ABCC1: variants seen among roughly 807,000 people sequenced by gnomAD.
ABCC1 encodes the protein ATP binding cassette subfamily C member 1 (ABCC1 blood group).
ABCC1 carries 83 observed loss-of-function variants against 172.9 expected under a neutral mutation model. That is an observed-to-expected ratio of 0.48 (90% CI 0.40 to 0.58). The LOEUF (loss-of-function observed/expected upper bound fraction) is 0.58. ABCC1 is among the 20% of genes least tolerant of loss of function. The probability of loss-of-function intolerance (pLI) is 0.00; values close to 1 mark genes in which losing one functional copy is unlikely to be tolerated. For missense variants in ABCC1, 1,817 were observed against 2,002.7 expected, an observed-to-expected ratio of 0.91 and a Z score of 1.77; for synonymous variants, 937 against 825.2, an observed-to-expected ratio of 1.14 and a Z score of -2.32.
intron 23 of ABCC1, 62 bp downstream of exon 23, chr16:16,115,138 C>T (rs1014027530): frequency 2.0e-6 from 3 of 1,523,602 alleles, no homozygotes; most frequent in African/African-American, 1.4e-5. Flanking sequence ...CCAGTGTTAC[C>T]TAAAGCCTTG....
In ABCC1 at chr16:16,114,775, T is replaced by C. The variant is rs1358696501; in HGVS notation, c.3089T>C (p.Val1030Ala). The C allele has an allele frequency of 1.9e-6, 3 of 1,596,176 alleles. No homozygotes were observed. In the South Asian group the frequency reaches 3.3e-5, roughly 18 times the overall value. Residue 1030 changes from valine to alanine, a missense_variant, in exon 23 of 31, where the codon GTG becomes GCG. By Grantham distance (64) the Val-to-Ala change is moderately conservative. This residue lies in a region of ABCC1 where 1,412 missense variants were observed against 1,600.3 expected (regional missense o/e 0.88). Coordinates refer to ENST00000399410, the MANE Select transcript of ABCC1 (RefSeq NM_004996.4). The part of the protein sequence containing the change: ...GALGISQGIA[V>A]FGYSMAVSIG... ...CTCCGAGTGTCTGCAGGGATCGCCG[T>C]GTTTGGCTACTCCATGGCCGTGTCC...
Position 16,122,155 on chromosome 16 carries a change from C to T in ABCC1, c.3571C>T (p.Pro1191Ser), listed in dbSNP as rs750416230. Residue 1191 changes from proline to serine, a missense_variant, in exon 24 of 31, where the codon CCC becomes TCC. Physicochemically the swap from Pro to Ser is moderately conservative, Grantham distance 74. Coordinates refer to ENST00000399410, the MANE Select transcript of ABCC1 (RefSeq NM_004996.4). The part of the protein sequence containing the change: ...KVDENQKAYY[P>S]SIVANRWLAV... ...GGACGAGAACCAGAAGGCCTATTAC[C>T]CCAGCATCGTGGCCAACAGGTGGGC... 2 of 1,614,176 alleles carry T rather than the reference C, an allele frequency of 1.2e-6. No homozygotes were observed. The highest frequency in any genetic ancestry group is 1.7e-6 in the Non-Finnish European group (2 of 1,180,038).
intron 1 of ABCC1, among the ~76,000 whole-genome samples, chr16:16,001,285 C>T (rs2047297904): frequency 6.6e-6 from 1 of 152,082 alleles, no homozygotes; most frequent in African/African-American, 2.4e-5. Flanking sequence ...GATCTCGGCT[C>T]ACTGCAAGCT....
At chr16:16,032,118 G>C (rs1360690029) in intron 5 of ABCC1, among the ~76,000 whole-genome samples, 1 of 152,170 alleles carries the variant, frequency 6.6e-6, no homozygotes, top group East Asian at 1.9e-4. Context: ...AGCCTCCCAA[G>C]TAGCTGGAAC....
intron 13 of ABCC1, among the ~76,000 whole-genome samples, chr16:16,070,626 CT>C: frequency 6.6e-6 from 1 of 152,292 alleles, no homozygotes; most frequent in South Asian, 2.1e-4. Context: ...GATTGCGCCA[CT>C]GCACTCCAGC....
At chr16:16,100,458 G>A (rs141665342) in intron 19 of ABCC1, among the ~76,000 whole-genome samples, 1 of 151,580 alleles carries the variant, frequency 6.6e-6, no homozygotes, top group East Asian at 2.0e-4. Flanking sequence ...ATGGTTAAGG[G>A]CATGGCTGGT....
In ABCC1 at chr16:16,068,404, G is replaced by A. The variant is rs1399114385; in HGVS notation, c.1824+102G>A. ...AGCGCAGCCTCTAGATCACACTCCC[G>A]GTCGGGCTCCATGAGGCCCGGACAA... is the stretch of plus-strand genomic sequence containing the variant. On this transcript the variant is annotated intron_variant, in intron 13 of 30. Coordinates refer to ENST00000399410, the MANE Select transcript of ABCC1 (RefSeq NM_004996.4). 9 of 1,403,390 alleles carry A rather than the reference G, an allele frequency of 6.4e-6. No homozygotes were observed. In the East Asian group the frequency reaches 1.4e-4, roughly 21 times the overall value. The allele number at this position is 1,403,390 out of a possible 1,614,324, so 86.9% of individuals were successfully genotyped here. A position where few individuals can be genotyped will look rare whatever the true frequency, so the allele number is the denominator to read the frequency against.
intron 20 of ABCC1, among the ~76,000 whole-genome samples, chr16:16,104,244 C>T (rs930720891): frequency 6.6e-6 from 1 of 152,198 alleles, no homozygotes; most frequent in Non-Finnish European, 1.5e-5. Flanking sequence ...ACTGCTGGCT[C>T]TGGCAGCCAG....
At chr16:15,963,549 A>G (rs1290298911) in intron 1 of ABCC1, among the ~76,000 whole-genome samples, 3 of 152,174 alleles carry the variant, frequency 2.0e-5, no homozygotes, top group African/African-American at 7.2e-5. Flanking sequence ...ATCCTCTGAA[A>G]TCTAGGTGGA....
chr16:16,099,749 C>T (rs1013853944), intron 19 of ABCC1, among the ~76,000 whole-genome samples: 2 of 152,098 alleles, frequency 1.3e-5, no homozygotes, highest in Non-Finnish European at 2.9e-5. Context: ...ATTGACAGGC[C>T]CACCAAGGCT....
intron 10 of ABCC1, among the ~76,000 whole-genome samples, chr16:16,051,335 T>C (rs1282194759): frequency 1.3e-5 from 2 of 151,920 alleles, no homozygotes; most frequent in Non-Finnish European, 2.9e-5. Flanking sequence ...CATGCCTGGC[T>C]AAGTTATTTA....
intron 12 of ABCC1, among the ~76,000 whole-genome samples, chr16:16,060,486 A>G (rs1046244264): frequency 2.0e-5 from 3 of 151,768 alleles, no homozygotes; most frequent in East Asian, 1.9e-4. Flanking sequence ...TTACACTCCA[A>G]TACCTTGACT....
chr16:16,055,249 G>A (rs768064671), intron 11 of ABCC1, among the ~76,000 whole-genome samples: 2 of 151,674 alleles, frequency 1.3e-5, no homozygotes, highest in Non-Finnish European at 1.5e-5. Context: ...AGAAAACTGG[G>A]CTGACAAGAA....
rs1296417878 is a variant in ABCC1, at chr16:15,949,793, G to T, written c.42G>T (p.Pro14=). Reference sequence around the variant, plus strand: ...TCTGCAGCGCCGATGGCTCCGACCCGCTCTGGGTACGTGCCGGGGGCCGCG... The same window carrying T: ...TCTGCAGCGCCGATGGCTCCGACCCTCTCTGGGTACGTGCCGGGGGCCGCG... ...RGFCSADGSD[P]LWDWNVTWNT... is the part of the protein sequence containing the mutation. Residue 14 remains proline (P), a synonymous_variant, in exon 1 of 31, where the codon CCG becomes CCT. Coordinates refer to ENST00000399410, the MANE Select transcript of ABCC1 (RefSeq NM_004996.4). 2 of 1,194,914 alleles carry T rather than the reference G, an allele frequency of 1.7e-6. No homozygotes were observed. Among genetic ancestry groups the T allele is most frequent in the South Asian group, 8.2e-5 (2 of 24,340 alleles). The allele number at this position is 1,194,914 out of a possible 1,614,324, so 74.0% of individuals were successfully genotyped here.
intron 19 of ABCC1, chr16:16,098,969 C>T (rs1555498355): frequency 3.9e-6 from 5 of 1,295,456 alleles, no homozygotes; most frequent in South Asian, 2.3e-5. Context: ...CCGAGACTGT[C>T]GCTGCATGTC....
At chr16:16,054,504 A>G (rs1156434855) in intron 11 of ABCC1, among the ~76,000 whole-genome samples, 3 of 152,018 alleles carry the variant, frequency 2.0e-5, no homozygotes, top group African/African-American at 7.2e-5. Flanking sequence ...TGTGCTGTGG[A>G]ATTTCAAATG....
intron 1 of ABCC1, among the ~76,000 whole-genome samples, chr16:15,999,375 G>A (rs2047167221): frequency 6.6e-6 from 1 of 151,788 alleles, no homozygotes; most frequent in African/African-American, 2.4e-5. Context: ...CAGCACTTTG[G>A]GAGGCTGAGG....
rs557095638 is a variant in ABCC1, at chr16:16,001,812, T to C, written c.49-6004T>C. Among the ~76,000 whole-genome samples, 30 of 152,314 alleles carry C rather than the reference T, an allele frequency of 2.0e-4. No individual in the cohort carries two copies. The South Asian group carries it at 6.0e-3, about 30-fold the overall frequency. On this transcript the variant is annotated intron_variant, in intron 1 of 30. Transcript: ENST00000399410. ...TTATCAGCTGGAGTATGAATTGATG[T>C]TCCCTATTTGGAGGGCAGTGTCTGT...
chr16:16,082,427 A>G (rs542579773), intron 16 of ABCC1, among the ~76,000 whole-genome samples: 1 of 152,334 alleles, frequency 6.6e-6, no homozygotes, highest in South Asian at 2.1e-4. Flanking sequence ...TACAAACGTA[A>G]TAAATATATA....
Sources: gnomAD v4.1 joint callset for allele counts (sites outside exome capture counted in the v4.1 genomes callset) on GRCh38, gnomAD v4.1.1 for gene constraint, gnomAD v4.1.1 regional missense constraint, MANE v1.5 for transcripts, NCBI Gene and HGNC (gene_info 2026-07-23, HGNC 2026-07-21) for gene names.